The following SMIM41 variants were observed in gnomAD, a reference collection of about 807,000 sequenced individuals.
The protein encoded by SMIM41 is small integral membrane protein 41.
chr12:52,097,682 G>A (rs140059939), intron 2 of SMIM41, among the ~76,000 whole-genome samples: 2 of 151,972 alleles, frequency 1.3e-5, no homozygotes, highest in Non-Finnish European at 2.9e-5. Flanking sequence ...TCACAGGGGC[G>A]TGTATTCCCC....
rs1180210783 is a variant in SMIM41, at chr12:52,080,002, G to C, written c.223G>C (p.Ala75Pro). Residue 75 changes from alanine to proline, a missense_variant, in exon 1 of 3, where the codon GCG (alanine) becomes CCG (proline). Ala to Pro is a conservative substitution (Grantham distance 27). Transcript: ENST00000546390. ...AGCGCTGCTGACCCGCGAGCAGCGC[G>C]CGTCCCGCGAGCCCGAGCCGGGCAG... Reference protein sequence around the residue: ...LTALLTREQRASREPEPGSAS... With the variant: ...LTALLTREQRPSREPEPGSAS... 2 of 375,906 alleles carry C rather than the reference G, an allele frequency of 5.3e-6. No homozygotes were observed. The highest frequency in any genetic ancestry group is 2.1e-5 in the African/African-American group (1 of 47,570). The allele number at this position is 375,906 out of a possible 1,614,324, so 23.3% of individuals were successfully genotyped here.
chr12:52,087,185 C>T (rs1939906098), intron 2 of SMIM41, among the ~76,000 whole-genome samples: 1 of 152,230 alleles, frequency 6.6e-6, no homozygotes, highest in African/African-American at 2.4e-5. Context: ...GGCCGGGCCT[C>T]CGCCTCTGCA....
At chr12:52,097,190 T>C (rs150915914) in intron 2 of SMIM41, among the ~76,000 whole-genome samples, 1 of 152,044 alleles carries the variant, frequency 6.6e-6, no homozygotes, top group Non-Finnish European at 1.5e-5. Flanking sequence ...GGGAAGAGTA[T>C]GATATTGCTC....
At chr12:52,103,265 T>G (rs1940256975) in intron 2 of SMIM41, among the ~76,000 whole-genome samples, 1 of 150,448 alleles carries the variant, frequency 6.6e-6, no homozygotes, top group African/African-American at 2.5e-5. Flanking sequence ...AGGTGGAGGT[T>G]GCAGTGAGCC....
At position 52,107,837 on chromosome 12, in the gene SMIM41, C is replaced by A. The variant is rs891772716; in HGVS notation, c.*654C>A. ...TACAACTTGATTGCCTTACTAATGA[C>A]CTGCTTCAAGGAGGTGGACATTCCT... is the stretch of plus-strand genomic sequence containing the variant. On this transcript the variant is annotated 3_prime_UTR_variant, in exon 3 of 3. Coordinates refer to ENST00000546390, the MANE Select transcript of SMIM41 (RefSeq NM_001369216.1). 5.6e-6 allele frequency: 2 copies of A among 357,476 alleles called. No individual in the cohort carries two copies. The highest frequency in any genetic ancestry group is 1.1e-5 in the Non-Finnish European group (2 of 183,538). The allele number at this position is 357,476 out of a possible 1,614,324, so 22.1% of individuals were successfully genotyped here. A position where few individuals can be genotyped will look rare whatever the true frequency, so the allele number is the denominator to read the frequency against.
At chr12:52,080,257 T>C (rs1417201090) in intron 1 of SMIM41, 76 bp downstream of exon 1, 3 of 211,438 alleles carry the variant, frequency 1.4e-5, no homozygotes, top group Admixed American at 6.0e-5. Context: ...AGGAGGCTTC[T>C]TGGGGCGCGG....
At chr12:52,095,907 G>A (rs1165374157) in intron 2 of SMIM41, among the ~76,000 whole-genome samples, 1 of 151,930 alleles carries the variant, frequency 6.6e-6, no homozygotes, top group Non-Finnish European at 1.5e-5. Context: ...AATATCACAC[G>A]GGTTTGTACA....
At chr12:52,083,592 C>T (rs866664363) in intron 1 of SMIM41, among the ~76,000 whole-genome samples, 3 of 152,182 alleles carry the variant, frequency 2.0e-5, no homozygotes, top group African/African-American at 7.2e-5. Context: ...TCGGCTGCCC[C>T]CCTGTGGCCA....
chr12:52,104,351 T>C (rs1940283792), intron 2 of SMIM41: 1 of 156,612 alleles, frequency 6.4e-6, no homozygotes, highest in Non-Finnish European at 1.4e-5. Flanking sequence ...AGCCCTGCAG[T>C]GTGAGGTTCC....
At chr12:52,100,622 ATTTTTT>A (rs1173057236) in intron 2 of SMIM41, among the ~76,000 whole-genome samples, 41 of 111,130 alleles carry the variant, frequency 3.7e-4, no homozygotes, top group Non-Finnish European at 6.3e-4. Context: ...GCGCCCAGCT[ATTTTTT>A]TTTTTTTTTT....
chr12:52,105,699 G>T (rs1277846198), intron 2 of SMIM41, among the ~76,000 whole-genome samples: 1 of 151,956 alleles, frequency 6.6e-6, no homozygotes, highest in Non-Finnish European at 1.5e-5. Context: ...GTTGCAATGA[G>T]CTGAGATCAC....
At chr12:52,089,522 A>G (rs760982361) in intron 2 of SMIM41, among the ~76,000 whole-genome samples, 1 of 152,192 alleles carries the variant, frequency 6.6e-6, no homozygotes, top group Non-Finnish European at 1.5e-5. Flanking sequence ...TGAGCCTGGA[A>G]GGTTGAGGCT....
intron 1 of SMIM41, among the ~76,000 whole-genome samples, chr12:52,083,691 A>T (rs1425538057): frequency 6.6e-6 from 1 of 152,194 alleles, no homozygotes; most frequent in Non-Finnish European, 1.5e-5. Context: ...TTGAGATGGG[A>T]GTGGGTATCG....
Position 52,107,611 on chromosome 12 carries a change from A to G in SMIM41, c.*428A>G, listed in dbSNP as rs569444938. The G allele has an allele frequency of 1.8e-5, 11 of 625,030 alleles. No homozygotes were observed. The highest frequency in any genetic ancestry group is 5.8e-4 in the Middle Eastern group (2 of 3,448). 38.7% of individuals were successfully genotyped at this position (625,030 alleles called of 1,614,324 possible). ...CAGTCTCGCAGCAGAGTCATCTCCT[A>G]TGCAGGCTGCCTGACTCAGAAGTCT... On this transcript the variant is annotated 3_prime_UTR_variant, in exon 3 of 3. Coordinates refer to ENST00000546390, the MANE Select transcript of SMIM41 (RefSeq NM_001369216.1).
intron 1 of SMIM41, 83 bp downstream of exon 1, chr12:52,080,264 G>A (rs1939798197): frequency 1.0e-5 from 2 of 200,856 alleles, no homozygotes; most frequent in African/African-American, 2.4e-5. Flanking sequence ...TTCTTGGGGC[G>A]CGGCAAGGCA....
chr12:52,099,053 C>T (rs1211770598), intron 2 of SMIM41, among the ~76,000 whole-genome samples: 2 of 151,760 alleles, frequency 1.3e-5, no homozygotes, highest in African/African-American at 4.8e-5. Flanking sequence ...AGGCTGTGTA[C>T]ACCCCCTGCA....
intron 2 of SMIM41, among the ~76,000 whole-genome samples, chr12:52,105,886 C>G (rs1435635395): frequency 2.6e-5 from 4 of 152,156 alleles, no homozygotes; most frequent in African/African-American, 9.7e-5. Context: ...ATCTGTATGG[C>G]AAGGGGTGAG....
At position 52,093,168 on chromosome 12, in the gene SMIM41, A is replaced by G. The variant is rs577509287; in HGVS notation, c.*195+9200A>G. Among the ~76,000 whole-genome samples the G allele has an allele frequency of 1.1e-4, 17 of 152,334 alleles. No homozygotes were observed. In the East Asian group the frequency reaches 2.3e-3, roughly 21 times the overall value. ...AGCTGAGATCTCACCACTGCACTCCAGCCTAGCGACAGAGCGAGACCCTGT... is the reference window on the plus strand; with the variant it reads ...AGCTGAGATCTCACCACTGCACTCCGGCCTAGCGACAGAGCGAGACCCTGT... On this transcript the variant is annotated intron_variant, in intron 2 of 2. Coordinates refer to ENST00000546390, the MANE Select transcript of SMIM41 (RefSeq NM_001369216.1).
intron 2 of SMIM41, among the ~76,000 whole-genome samples, chr12:52,095,939 A>G (rs1334756414): frequency 6.6e-6 from 1 of 151,932 alleles, no homozygotes; most frequent in Non-Finnish European, 1.5e-5. Context: ...ATTGGGAGTA[A>G]TATCAACCTC....
Sources: gnomAD v4.1 joint callset for allele counts (sites outside exome capture counted in the v4.1 genomes callset) on GRCh38, gnomAD v4.1.1 for gene constraint, MANE v1.5 for transcripts, NCBI Gene and HGNC (gene_info 2026-07-23, HGNC 2026-07-21) for gene names.